Variants in CNTNAP2 observed in about 807,000 individuals in gnomAD.
CNTNAP2 encodes the protein contactin associated protein 2.
In CNTNAP2, 98 loss-of-function variants were observed where a neutral mutation model predicts 155.2. The ratio of observed to expected loss-of-function variants is 0.63; its 90% CI spans 0.54 to 0.75. The LOEUF (loss-of-function observed/expected upper bound fraction) is 0.75. CNTNAP2 is among the 30% of genes least tolerant of loss of function. CNTNAP2 has a pLI of 0.00. For missense variants in CNTNAP2, 1,727 were observed against 1,688.1 expected, an observed-to-expected ratio of 1.02 and a Z score of -0.40; for synonymous variants, 651 against 631.2, an observed-to-expected ratio of 1.03 and a Z score of -0.47.
chr7:147,874,993 C>G (rs13235220), intron 13 of CNTNAP2, among the ~76,000 whole-genome samples: 21,739 of 152,134 alleles, frequency 0.14, 1,665 homozygotes, highest in African/African-American at 0.2. Context: ...ACTTTGTTGT[C>G]CATATCACTA....
chr7:148,390,803 C>T (rs1233658532), intron 22 of CNTNAP2, among the ~76,000 whole-genome samples: 7 of 152,164 alleles, frequency 4.6e-5, no homozygotes, highest in African/African-American at 1.4e-4. Context: ...CTATAACAAA[C>T]ACTATTTGTT....
intron 20 of CNTNAP2, among the ~76,000 whole-genome samples, chr7:148,261,904 C>T (rs1796570081): frequency 6.6e-6 from 1 of 152,238 alleles, no homozygotes; most frequent in Non-Finnish European, 1.5e-5. Flanking sequence ...AAGCCCCTTC[C>T]TCTTGCAGTG....
At chr7:147,571,701 C>A (rs1407808950) in intron 12 of CNTNAP2, among the ~76,000 whole-genome samples, 1 of 152,100 alleles carries the variant, frequency 6.6e-6, no homozygotes, top group Non-Finnish European at 1.5e-5. Context: ...TATATTAGGG[C>A]TTATTAACAT....
intron 12 of CNTNAP2, among the ~76,000 whole-genome samples, chr7:147,577,029 G>C (rs916896672): frequency 4.6e-5 from 7 of 152,014 alleles, no homozygotes; most frequent in African/African-American, 1.7e-4. Flanking sequence ...GACTATCCAG[G>C]TAGTTTTACC....
At chr7:147,971,373 A>T (rs942731305) in intron 14 of CNTNAP2, among the ~76,000 whole-genome samples, 2 of 152,160 alleles carry the variant, frequency 1.3e-5, no homozygotes, top group Admixed American at 6.5e-5. Flanking sequence ...GTAAATTTTT[A>T]GAAAATTCAT....
At chr7:146,140,192 A>G (rs1369384453) in intron 1 of CNTNAP2, among the ~76,000 whole-genome samples, 1 of 152,150 alleles carries the variant, frequency 6.6e-6, no homozygotes, top group Non-Finnish European at 1.5e-5. Context: ...ACAATTCACT[A>G]CAGCAGACGA....
chr7:147,438,038 A>T lies in CNTNAP2; in HGVS notation c.1670+42258A>T, dbSNP rs1384296491. On this transcript the variant is annotated intron_variant, in intron 10 of 23. Transcript: ENST00000361727. ...GCAGTCTTTAGGTTTTTCCAAATAT[A>T]AGATCATACTATCTGAAAACAAGGA... Among the ~76,000 whole-genome samples, 2 of 152,116 alleles carry T rather than the reference A, an allele frequency of 1.3e-5. 1 individual carries two copies. The highest frequency in any genetic ancestry group is 4.1e-4 in the South Asian group (2 of 4,834).
intron 13 of CNTNAP2, among the ~76,000 whole-genome samples, chr7:147,719,863 A>G (rs1268030037): frequency 6.6e-6 from 1 of 152,056 alleles, no homozygotes; most frequent in East Asian, 1.9e-4. Flanking sequence ...TTCAACAGAC[A>G]AGGTTTTATT....
rs796964363 is a variant in CNTNAP2 at position 147,991,053 on chromosome 7, G to A, written c.2383+13064G>A. ...GGCATGGACCCAGGCATGGTCCCTG[G>A]CGCTCACTATGAATAACAAACACTC... On this transcript the variant is annotated intron_variant, in intron 15 of 23. Transcript: ENST00000361727. Among the ~76,000 whole-genome samples the A allele has an allele frequency of 3.3e-5, 5 of 152,192 alleles. 1 individual carries two copies. The highest frequency in any genetic ancestry group is 1.2e-4 in the African/African-American group (5 of 41,528).
chr7:147,849,649 A>G (rs1163816216), intron 13 of CNTNAP2, among the ~76,000 whole-genome samples: 7 of 152,168 alleles, frequency 4.6e-5, no homozygotes, highest in Admixed American at 1.3e-4. Flanking sequence ...TGCCTGTTCT[A>G]TTGTCTTGGA....
chr7:147,240,474 C>A (rs1271044459), intron 8 of CNTNAP2, among the ~76,000 whole-genome samples: 2 of 152,200 alleles, frequency 1.3e-5, no homozygotes, highest in African/African-American at 4.8e-5. Context: ...AACTTTATTT[C>A]CTATTTTCCT....
chr7:148,079,232 G>A (rs1358512348), intron 15 of CNTNAP2, among the ~76,000 whole-genome samples: 2 of 152,166 alleles, frequency 1.3e-5, no homozygotes. Flanking sequence ...ACATTTTAGG[G>A]GGACATAAGA....
chr7:146,433,140 G>A (rs1348684950), intron 1 of CNTNAP2, among the ~76,000 whole-genome samples: 1 of 152,152 alleles, frequency 6.6e-6, no homozygotes, highest in East Asian at 1.9e-4. Flanking sequence ...GGGGGCTCCA[G>A]AACGTAGGGT....
intron 11 of CNTNAP2, among the ~76,000 whole-genome samples, chr7:147,489,038 T>A (rs1798559933): frequency 6.6e-6 from 1 of 152,220 alleles, no homozygotes; most frequent in African/African-American, 2.4e-5. Context: ...TCACACAATG[T>A]GTCTCTTAAT....
intron 14 of CNTNAP2, among the ~76,000 whole-genome samples, chr7:147,907,910 C>G (rs953038747): frequency 1.3e-5 from 2 of 151,908 alleles, no homozygotes; most frequent in African/African-American, 2.4e-5. Context: ...GCTGGGATTA[C>G]AGGCACGCAT....
At chr7:147,643,419 A>G (rs1795317726) in intron 13 of CNTNAP2, 1 of 152,206 alleles carries the variant, frequency 6.6e-6, no homozygotes, top group African/African-American at 2.4e-5. Flanking sequence ...TGACGCAAGG[A>G]AAAGGAGTGG....
At chr7:148,171,513 A>C (rs1357562673) in intron 17 of CNTNAP2, among the ~76,000 whole-genome samples, 1 of 152,228 alleles carries the variant, frequency 6.6e-6, no homozygotes, top group East Asian at 1.9e-4. Flanking sequence ...TTTCTTGGGA[A>C]TATTTTAATA....
intron 3 of CNTNAP2, 118 bp downstream of exon 3, chr7:146,840,022 C>G (rs1014079934): frequency 3.3e-6 from 4 of 1,209,014 alleles, no homozygotes; most frequent in Non-Finnish European, 4.7e-6. Flanking sequence ...CATTGGGAAA[C>G]TATTTATTCA....
At chr7:147,111,232 T>G (rs190815499) in intron 5 of CNTNAP2, among the ~76,000 whole-genome samples, 1 of 152,282 alleles carries the variant, frequency 6.6e-6, no homozygotes, top group East Asian at 1.9e-4. Context: ...GTTTTTGTCT[T>G]GTAAATTTAA....
Sources: allele counts gnomAD v4.1 joint callset (sites outside exome capture counted in the v4.1 genomes callset), GRCh38; gene constraint gnomAD v4.1.1; transcripts MANE v1.5; gene names NCBI Gene and HGNC (gene_info 2026-07-23, HGNC 2026-07-21).